SPATA31D1: variants seen among roughly 807,000 people sequenced by gnomAD.
The protein encoded by SPATA31D1 is spermatogenesis-associated protein 31D1.
Under a neutral mutation model 13.2 loss-of-function variants are expected in SPATA31D1, and 6 were observed. The observed-to-expected ratio is 0.46, with a 90% confidence interval of 0.25 to 0.90. The LOEUF (loss-of-function observed/expected upper bound fraction) is 0.90, where lower values mean the gene tolerates loss of function less well. Among genes scored for constraint, SPATA31D1 ranks in the 40% least tolerant of loss-of-function variants. The pLI, the probability that SPATA31D1 is intolerant of heterozygous loss-of-function variation, is 0.18. For synonymous variants in SPATA31D1, 903 were observed against 718.8 expected, an observed-to-expected ratio of 1.26 and a Z score of -4.10; for missense variants, 2,445 against 1,884.7, an observed-to-expected ratio of 1.30 and a Z score of -5.50.
rs199572140 is a variant in SPATA31D1 at position 81,993,070 on chromosome 9, C to T, written c.2600C>T (p.Ser867Phe). Residue 867 changes from serine (S) to phenylalanine (F), a missense_variant, in exon 4 of 4, where the codon TCC becomes TTC. Ser to Phe is a radical substitution (Grantham distance 155, BLOSUM62 -2). Transcript: ENST00000344803. ...VKQTMSLPEK[S>F]HSQIKHRNLV... ...CAGACAATGTCTCTTCCTGAGAAATCCCACAGCCAAATTAAACATCGAAAT... is the reference window on the plus strand; with the variant it reads ...CAGACAATGTCTCTTCCTGAGAAATTCCACAGCCAAATTAAACATCGAAAT... 94 of 1,613,806 alleles carry T rather than the reference C, an allele frequency of 5.8e-5. 1 individual carries two copies. The African/African-American group carries it at 1.2e-3, about 21-fold the overall frequency.
chr9:81,987,468 G>A (rs1391150996), upstream of SPATA31D1, among the ~76,000 whole-genome samples: 2 of 152,098 alleles, frequency 1.3e-5, no homozygotes, highest in Admixed American at 6.6e-5. Flanking sequence ...TTCCCAGGTC[G>A]CAATCCTCAA....
chr9:81,988,512 G>A (rs762728160), upstream of SPATA31D1, among the ~76,000 whole-genome samples: 3 of 152,126 alleles, frequency 2.0e-5, no homozygotes, highest in Admixed American at 1.3e-4. Flanking sequence ...ACAGTAAAGC[G>A]GGACTTGGGT....
rs1279655289 is a variant in SPATA31D1, at chr9:81,993,717, G to T, written c.3247G>T (p.Glu1083Ter). The change falls in exon 4 of 4, where the codon GAG (glutamate) becomes TAG (stop). Residue 1083 changes from glutamate (E) to a stop codon, truncating the protein, a stop_gained. Transcript: ENST00000344803. LOFTEE classifies it low-confidence loss of function (END_TRUNC). ...NDLTESVRTT[E>*]DGRQTFLPPP... is the part of the protein sequence containing the mutation. ...TCTTACAGAAAGTGTCCGGACAACAGAGGATGGCAGACAGACTTTTCTGCC... is the reference window on the plus strand; with the variant it reads ...TCTTACAGAAAGTGTCCGGACAACATAGGATGGCAGACAGACTTTTCTGCC... The T allele has an allele frequency of 1.9e-6, 3 of 1,613,904 alleles. No homozygotes were observed. Among genetic ancestry groups the T allele is most frequent in the Non-Finnish European group, 2.5e-6 (3 of 1,179,906 alleles).
chr9:81,988,830 C>A lies in SPATA31D1; in HGVS notation c.12C>A (p.Ile4=). The change falls in exon 1 of 4, where the codon ATC becomes ATA. Residue 4 remains isoleucine (I), a synonymous_variant. Transcript: ENST00000344803. MEN[I]LCFLNSYTET... ...GAGCTATTCAGACCATGGAGAATAT[C>A]CTCTGTTTTCTGAACAGCTATACTG... The A allele has an allele frequency of 6.2e-7, 1 of 1,612,626 alleles. No homozygotes were observed. Among genetic ancestry groups the A allele is most frequent in the Non-Finnish European group, 8.5e-7 (1 of 1,179,726 alleles).
At position 81,992,544 on chromosome 9, in the gene SPATA31D1, C is replaced by G. The variant is rs376217865; in HGVS notation, c.2074C>G (p.Arg692Gly). 9.3e-6 allele frequency: 15 copies of G among 1,611,842 alleles called. 1 individual carries two copies. Among genetic ancestry groups the G allele is most frequent in the Admixed American group, 1.7e-5 (1 of 60,004 alleles). The change falls in exon 4 of 4, where the codon CGA (arginine) becomes GGA (glycine). Residue 692 changes from arginine to glycine, a missense_variant. Physicochemically the swap from Arg to Gly is moderately radical, Grantham distance 125 (BLOSUM62 -2). Coordinates refer to ENST00000344803, the MANE Select transcript of SPATA31D1 (RefSeq NM_001001670.3). ...EVRKKLEQHI[R>G]RRLIQRRWGL... is the part of the protein sequence containing the mutation. ...AAGGAAGAAACTAGAGCAACACATT[C>G]GAAGGAGGCTCATCCAGCGCAGATG...
At chr9:81,987,729 C>A (rs1458576167), upstream of SPATA31D1, among the ~76,000 whole-genome samples, 1 of 151,716 alleles carries the variant, frequency 6.6e-6, no homozygotes, top group East Asian at 1.9e-4. Flanking sequence ...GAAACCATGC[C>A]CCAGAGAGTT....
In SPATA31D1 at chr9:81,990,976, C is replaced by A. The variant is rs374198563; in HGVS notation, c.506C>A (p.Ser169Ter). ...LASSASATES[S>*]FTLASTPSAT... ...TCTTCGGCTTCTGCGACTGAGTCAT[C>A]GTTCACTCTGGCTTCCACCCCCTCA... Residue 169 changes from serine (S) to a stop codon, truncating the protein, a stop_gained, in exon 4 of 4, where the codon TCG becomes TAG. Transcript: ENST00000344803. LOFTEE classifies it low-confidence loss of function (END_TRUNC). The A allele has an allele frequency of 1.2e-6, 2 of 1,613,818 alleles. No individual in the cohort carries two copies. Among genetic ancestry groups the A allele is most frequent in the African/African-American group, 1.3e-5 (1 of 75,036 alleles).
rs1463692612 is a variant in SPATA31D1, at chr9:81,991,060, C to G, written c.590C>G (p.Pro197Arg). 8 of 1,613,596 alleles carry G rather than the reference C, an allele frequency of 5.0e-6. No homozygotes were observed. The highest frequency in any genetic ancestry group is 4.4e-5 in the South Asian group (4 of 91,070). ...CGGCCTAAGGCCTCTCCACCACCCCCCTTAATTCTCTCACCTGACCTGATC... is the reference window on the plus strand; with the variant it reads ...CGGCCTAAGGCCTCTCCACCACCCCGCTTAATTCTCTCACCTGACCTGATC... ...SPRPKASPPP[P>R]LILSPDLITT... Residue 197 changes from proline to arginine, a missense_variant, in exon 4 of 4, where the codon CCC becomes CGC. By Grantham distance (103) the Pro-to-Arg change is moderately radical (BLOSUM62 -2). Coordinates refer to ENST00000344803, the MANE Select transcript of SPATA31D1 (RefSeq NM_001001670.3).
Position 81,995,226 on chromosome 9 carries a change from T to C in SPATA31D1, c.*25T>C. ...ATTCACTCCTTGTTGAGAATCTTGA[T>C]TCTCCCCAATAAATGTTCCAATAAG... On this transcript the variant is annotated 3_prime_UTR_variant, in exon 4 of 4. Transcript: ENST00000344803. 5 of 1,478,120 alleles carry C rather than the reference T, an allele frequency of 3.4e-6. No individual in the cohort carries two copies. In the South Asian group the frequency reaches 5.3e-5, roughly 16 times the overall value. The allele number at this position is 1,478,120 out of a possible 1,614,324, so 91.6% of individuals were successfully genotyped here.
In SPATA31D1 at chr9:81,992,696, C is replaced by T. The variant is rs369084497; in HGVS notation, c.2226C>T (p.Cys742=). 1 of 1,613,780 alleles carries T rather than the reference C, an allele frequency of 6.2e-7. No individual in the cohort carries two copies. The highest frequency in any genetic ancestry group is 8.5e-7 in the Non-Finnish European group (1 of 1,179,718). ...TCTCTTTGGTTGAGGGTCAGAGGTG[C>T]AATGTTCTAAAGAAGTCCGCATCAA... is the stretch of plus-strand genomic sequence containing the variant. ...LNISLVEGQR[C]NVLKKSASSF... The change falls in exon 4 of 4, where the codon TGC becomes TGT. Residue 742 remains cysteine (C), a synonymous_variant. Transcript: ENST00000344803.
At chr9:81,989,407 G>A (rs532923546) in intron 1 of SPATA31D1, among the ~76,000 whole-genome samples, 102 of 152,264 alleles carry the variant, frequency 6.7e-4, no homozygotes, top group Admixed American at 1.4e-3. Context: ...TTCGTGTTGG[G>A]CTGACCAGAG....
At position 81,993,372 on chromosome 9, in the gene SPATA31D1, A is replaced by C; in HGVS notation, c.2902A>C (p.Thr968Pro). The C allele has an allele frequency of 6.2e-7, 1 of 1,613,944 alleles. No individual in the cohort carries two copies. The highest frequency in any genetic ancestry group is 1.1e-5 in the South Asian group (1 of 91,080). Residue 968 changes from threonine (T) to proline (P), a missense_variant, in exon 4 of 4, where the codon ACT (threonine) becomes CCT (proline). Physicochemically the swap from Thr to Pro is conservative, Grantham distance 38. Transcript: ENST00000344803. ...DGVSKSRSRSTFQGEKLGTTS... is the reference protein window; with the variant it reads ...DGVSKSRSRSPFQGEKLGTTS... Reference sequence around the variant, plus strand: ...GGTCTCTAAGTCCCGTAGTCGAAGCACTTTTCAAGGAGAAAAGTTGGGAAC... The same window carrying C: ...GGTCTCTAAGTCCCGTAGTCGAAGCCCTTTTCAAGGAGAAAAGTTGGGAAC...
At position 81,988,789 on chromosome 9, in the gene SPATA31D1, G is replaced by T; in HGVS notation, c.-30G>T. ...TAAGCCTGGGCACCCTCAGTGCTCA[G>T]TTGCTTCAGGCAGCTGAGCTATTCA... On this transcript the variant is annotated 5_prime_UTR_variant, in exon 1 of 4. Coordinates refer to ENST00000344803, the MANE Select transcript of SPATA31D1 (RefSeq NM_001001670.3). The T allele has an allele frequency of 6.2e-7, 1 of 1,612,024 alleles. No individual in the cohort carries two copies. The highest frequency in any genetic ancestry group is 1.1e-5 in the South Asian group (1 of 90,990).
At position 81,992,953 on chromosome 9, in the gene SPATA31D1, A is replaced by G; in HGVS notation, c.2483A>G (p.Asn828Ser). The G allele has an allele frequency of 6.2e-7, 1 of 1,613,784 alleles. No individual in the cohort carries two copies. The highest frequency in any genetic ancestry group is 8.5e-7 in the Non-Finnish European group (1 of 1,179,728). The change falls in exon 4 of 4, where the codon AAT becomes AGT. Residue 828 changes from asparagine (N) to serine (S), a missense_variant. Transcript: ENST00000344803. ...GVRLGQKQLE[N>S]ALTVRLSKKF... The stretch of plus-strand genomic sequence containing the variant: ...AGACTAGGTCAGAAACAACTTGAAA[A>G]TGCCCTGACAGTACGTTTGAGCAAG...
intron 3 of SPATA31D1, 105 bp downstream of exon 3, chr9:81,990,591 TG>T: frequency 7.3e-7 from 1 of 1,367,050 alleles, no homozygotes; most frequent in African/African-American, 1.5e-5. Context: ...GTTTTGGGAG[TG>T]GGTAGCCATA....
In SPATA31D1 at chr9:81,994,896, C is replaced by A; in HGVS notation, c.4426C>A (p.Gln1476Lys). 1 of 1,613,932 alleles carries A rather than the reference C, an allele frequency of 6.2e-7. No individual in the cohort carries two copies. Among genetic ancestry groups the A allele is most frequent in the Non-Finnish European group, 8.5e-7 (1 of 1,179,864 alleles). ...AGTGACACGTACCAAATCTTGCAGC[C>A]AACAAGCTATCTTTGTTGGCCAGAA... Reference protein sequence around the residue: ...CKVTRTKSCSQQAIFVGQNYP... With the variant: ...CKVTRTKSCSKQAIFVGQNYP... The change falls in exon 4 of 4, where the codon CAA becomes AAA. Residue 1476 changes from glutamine (Q) to lysine (K), a missense_variant. Coordinates refer to ENST00000344803, the MANE Select transcript of SPATA31D1 (RefSeq NM_001001670.3).
chr9:81,991,302 C>T lies in SPATA31D1; in HGVS notation c.832C>T (p.Leu278=), dbSNP rs1385678056. The T allele has an allele frequency of 5.0e-6, 8 of 1,614,038 alleles. No individual in the cohort carries two copies. The highest frequency in any genetic ancestry group is 6.8e-6 in the Non-Finnish European group (8 of 1,179,902). Reference sequence around the variant, plus strand: ...CACCATCTTTTCATTTGGCTCCACCCTATGCCAAGATATTTCGCAGGCCAT... The same window carrying T: ...CACCATCTTTTCATTTGGCTCCACCTTATGCCAAGATATTTCGCAGGCCAT... ...LNTIFSFGST[L]CQDISQAMNP... The change falls in exon 4 of 4, where the codon CTA becomes TTA. Residue 278 remains leucine, a synonymous_variant. Coordinates refer to ENST00000344803, the MANE Select transcript of SPATA31D1 (RefSeq NM_001001670.3).
At position 81,990,765 on chromosome 9, in the gene SPATA31D1, G is replaced by C; in HGVS notation, c.303-8G>C. ...AATCTCCTTTCCTTGTTCTGGTCCT[G>C]ACTGCAGCTTTGGACCTCCTGTTTC... On this transcript the variant is annotated splice_region_variant and splice_polypyrimidine_tract_variant and intron_variant, in intron 3 of 3. Transcript: ENST00000344803. 6.2e-7 allele frequency: 1 copy of C among 1,601,076 alleles called. No homozygotes were observed. The highest frequency in any genetic ancestry group is 8.5e-7 in the Non-Finnish European group (1 of 1,173,138).
In SPATA31D1 at chr9:81,991,228, T is replaced by C; in HGVS notation, c.758T>C (p.Ile253Thr). 6.2e-7 allele frequency: 1 copy of C among 1,613,980 alleles called. No homozygotes were observed. Among genetic ancestry groups the C allele is most frequent in the East Asian group, 2.2e-5 (1 of 44,874 alleles). The change falls in exon 4 of 4, where the codon ATT becomes ACT. Residue 253 changes from isoleucine (I) to threonine (T), a missense_variant. Coordinates refer to ENST00000344803, the MANE Select transcript of SPATA31D1 (RefSeq NM_001001670.3). ...LPFPLLPPHHIERVESSLQPE... is the reference protein window; with the variant it reads ...LPFPLLPPHHTERVESSLQPE... ...TTTCCCCTTCTCCCACCACATCACA[T>C]TGAGAGAGTGGAGTCCAGCCTCCAA...
Sources: allele counts gnomAD v4.1 joint callset (sites outside exome capture counted in the v4.1 genomes callset), GRCh38; gene constraint gnomAD v4.1.1; transcripts MANE v1.5; gene names NCBI Gene and HGNC (gene_info 2026-07-23, HGNC 2026-07-21).